VPS8: variants seen among roughly 807,000 people sequenced by gnomAD.
The protein encoded by VPS8 is vacuolar protein sorting-associated protein 8 homolog.
A neutral mutation model predicts 216.4 loss-of-function variants in VPS8; 129 were observed. That is an observed-to-expected ratio of 0.60 (90% CI 0.52 to 0.69). The LOEUF is 0.69. Among genes scored for constraint, VPS8 ranks in the 30% least tolerant of loss-of-function variants. The pLI is 0.00. For missense variants in VPS8, 1,531 were observed against 1,683.5 expected (o/e 0.91, Z 1.59); for synonymous variants, 571 against 565.4 (o/e 1.01, Z -0.14).
intron 25 of VPS8, among the ~76,000 whole-genome samples, chr3:184,909,758 C>T (rs942154488): frequency 6.6e-6 from 1 of 152,128 alleles, no homozygotes; most frequent in African/African-American, 2.4e-5. Context: ...GGACTTGATT[C>T]ACTTTTAAGA....
chr3:184,868,943 T>C lies in VPS8; in HGVS notation c.1507-3T>C, dbSNP rs1292685199. On this transcript the variant is annotated splice_region_variant and splice_polypyrimidine_tract_variant and intron_variant, in intron 18 of 47. Coordinates refer to ENST00000625842, the MANE Select transcript of VPS8 (RefSeq NM_001009921.3). ...CCTGGTTTCTCTCATTTTTCCGTTT[T>C]AGAGAGTGGATCATCTCCTGAAACA... is the stretch of plus-strand genomic sequence containing the variant. 1 of 1,604,194 alleles carries C rather than the reference T, an allele frequency of 6.2e-7. No homozygotes were observed. Among genetic ancestry groups the C allele is most frequent in the African/African-American group, 1.3e-5 (1 of 74,828 alleles).
At chr3:184,926,836 C>T (rs1463242151) in intron 31 of VPS8, among the ~76,000 whole-genome samples, 186 bp downstream of exon 31, 2 of 152,198 alleles carry the variant, frequency 1.3e-5, no homozygotes, top group East Asian at 3.9e-4. Flanking sequence ...GTGTAAGAAG[C>T]TTATATCAAA....
intron 43 of VPS8, 23 bp from the exon 44 acceptor site, chr3:184,996,309 T>G (rs750247640): frequency 3.2e-6 from 5 of 1,584,886 alleles, no homozygotes; most frequent in Non-Finnish European, 4.3e-6. Context: ...TGTTTGTTTG[T>G]TTTTTGTTTT....
chr3:184,834,681 A>C lies in VPS8; in HGVS notation c.386A>C (p.His129Pro). ...KKKLPDSFSL[H>P]GSVMRHSLLK... is the part of the protein sequence containing the mutation. The stretch of plus-strand genomic sequence containing the variant: ...AAATTACCTGATTCTTTTTCACTTC[A>C]TGGATCAGTTATGCGCCATTCACTT... The change falls in exon 5 of 48, where the codon CAT (histidine) becomes CCT (proline). Residue 129 changes from histidine (H) to proline (P), a missense_variant. His to Pro is a moderately conservative substitution (Grantham distance 77). Coordinates refer to ENST00000625842, the MANE Select transcript of VPS8 (RefSeq NM_001009921.3). 1 of 1,554,384 alleles carries C rather than the reference A, an allele frequency of 6.4e-7. No homozygotes were observed. Among genetic ancestry groups the C allele is most frequent in the African/African-American group, 1.4e-5 (1 of 72,740 alleles).
At chr3:184,848,917 A>G in intron 8 of VPS8, 154 bp from the exon 9 acceptor site, 2 of 740,150 alleles carry the variant, frequency 2.7e-6, no homozygotes, top group East Asian at 3.3e-5. Flanking sequence ...AGCATCTGCT[A>G]GTTGCTCAAT....
Position 184,913,731 on chromosome 3 carries a change from A to C in VPS8, c.2189+170A>C, listed in dbSNP as rs56182631. 2.5e-3 allele frequency among the ~76,000 whole-genome samples: 373 copies of C among 152,196 alleles called. 1 individual carries two copies. Among genetic ancestry groups the C allele is most frequent in the African/African-American group, 8.6e-3 (356 of 41,532 alleles). On this transcript the variant is annotated intron_variant, in intron 26 of 47. Transcript: ENST00000625842. ...TAATTTTGTCTCCTACTCCCTGGAG[A>C]TGTTTGGCAACATCTAGAGACATTT...
At chr3:185,016,119 T>C (rs1172141866) in intron 45 of VPS8, among the ~76,000 whole-genome samples, 2 of 152,200 alleles carry the variant, frequency 1.3e-5, no homozygotes, top group African/African-American at 2.4e-5. Context: ...ATGGCGTAGG[T>C]AGGAATGCCT....
intron 34 of VPS8, among the ~76,000 whole-genome samples, chr3:184,935,615 A>G (rs1186241892): frequency 2.6e-5 from 4 of 152,220 alleles, no homozygotes; most frequent in Non-Finnish European, 5.9e-5. Flanking sequence ...GGTGACAGAA[A>G]CCAAGTAAGA....
chr3:184,925,150 G>C (rs1578268595), intron 30 of VPS8, among the ~76,000 whole-genome samples, 169 bp downstream of exon 30: 1 of 152,260 alleles, frequency 6.6e-6, no homozygotes, highest in Non-Finnish European at 1.5e-5. Flanking sequence ...ATGGGTGTAT[G>C]GGTATGTTTT....
At chr3:184,941,506 T>C (rs1307476273) in intron 36 of VPS8, among the ~76,000 whole-genome samples, 2 of 151,136 alleles carry the variant, frequency 1.3e-5, no homozygotes, top group Non-Finnish European at 2.9e-5. Context: ...CAGAATTAAC[T>C]GATGGAAAGA....
chr3:184,817,790 C>T (rs951558434), intron 1 of VPS8, among the ~76,000 whole-genome samples: 1 of 152,154 alleles, frequency 6.6e-6, no homozygotes, highest in Non-Finnish European at 1.5e-5. Flanking sequence ...CCTAGCTGTG[C>T]AAGCCAGTAA....
At chr3:185,024,908 A>G (rs1301610725) in intron 46 of VPS8, among the ~76,000 whole-genome samples, 2 of 152,070 alleles carry the variant, frequency 1.3e-5, no homozygotes, top group Admixed American at 1.3e-4. Flanking sequence ...AGGCTGAGGC[A>G]GGAGAATTGC....
At chr3:184,842,355 G>GT (rs748678041) in intron 7 of VPS8, among the ~76,000 whole-genome samples, 3,991 of 141,518 alleles carry the variant, frequency 0.028, 156 homozygotes, top group African/African-American at 0.091. Context: ...CTGGTTCCTG[G>GT]TTTTTTTTTT....
chr3:184,999,833 T>A lies in VPS8; in HGVS notation c.3974T>A (p.Ile1325Asn). 6.2e-7 allele frequency: 1 copy of A among 1,611,390 alleles called. No individual in the cohort carries two copies. The highest frequency in any genetic ancestry group is 1.1e-5 in the South Asian group (1 of 90,204). ...VGKLSENSSE[I>N]KKGRITPSQV... ...AAACTCAGTGAAAATTCATCTGAAA[T>A]TAAAAAGGGAAGGATAACCCCATCA... Residue 1325 changes from isoleucine (I) to asparagine (N), a missense_variant, in exon 45 of 48, where the codon ATT becomes AAT. Around this residue, in one of 3 missense-constraint regions of VPS8, gnomAD observed 1,318 missense variants for 1,468.4 expected, o/e 0.90. Transcript: ENST00000625842.
At chr3:184,888,591 T>G (rs1731745326) in intron 22 of VPS8, among the ~76,000 whole-genome samples, 1 of 152,232 alleles carries the variant, frequency 6.6e-6, no homozygotes. Flanking sequence ...CAGTTTTACA[T>G]ATTCTACTTA....
At chr3:184,950,495 AG>A (rs1032025935) in intron 36 of VPS8, among the ~76,000 whole-genome samples, 2 of 151,990 alleles carry the variant, frequency 1.3e-5, no homozygotes, top group Non-Finnish European at 2.9e-5. Flanking sequence ...TTTTAGAGTG[AG>A]GGGGTGGGAC....
intron 26 of VPS8, 76 bp downstream of exon 26, chr3:184,913,637 C>G (rs1736981587): frequency 8.2e-7 from 1 of 1,216,274 alleles, no homozygotes; most frequent in Admixed American, 2.4e-5. Flanking sequence ...ATACTATGAT[C>G]TCTTATCTAT....
At chr3:184,945,155 TTCTCTCTC>T (rs374772641) in intron 36 of VPS8, among the ~76,000 whole-genome samples, 1 of 151,196 alleles carries the variant, frequency 6.6e-6, no homozygotes, top group Non-Finnish European at 1.5e-5. Flanking sequence ...CTCTCTCTCT[TTCTCTCTC>T]TCTCTCTCTC....
At chr3:184,842,209 A>AAAG (rs1553828675) in intron 7 of VPS8, among the ~76,000 whole-genome samples, 4 of 149,482 alleles carry the variant, frequency 2.7e-5, no homozygotes, top group East Asian at 2.0e-4. Flanking sequence ...AAAAAAAAAA[A>AAAG]GAATATGTGA....
Sources: gnomAD v4.1 joint callset for allele counts (sites outside exome capture counted in the v4.1 genomes callset) on GRCh38, gnomAD v4.1.1 for gene constraint, gnomAD v4.1.1 regional missense constraint, MANE v1.5 for transcripts, NCBI Gene and HGNC (gene_info 2026-07-23, HGNC 2026-07-21) for gene names.